RCOR1: variants seen among roughly 807,000 people sequenced by gnomAD.
The protein encoded by RCOR1 is REST corepressor 1, also known as REST corepressor.
In RCOR1, 12 loss-of-function variants were observed where a neutral mutation model predicts 64.0. The ratio of observed to expected loss-of-function variants is 0.19; its 90% CI spans 0.12 to 0.30. The LOEUF is 0.30. RCOR1 is among the 10% of genes least tolerant of loss of function. The probability of loss-of-function intolerance (pLI) is 1.00; values close to 1 mark genes in which losing one functional copy is unlikely to be tolerated. For missense variants in RCOR1, 502 were observed against 621.2 expected (o/e 0.81, Z 2.04); for synonymous variants, 279 against 227.2 (o/e 1.23, Z -2.05).
At chr14:102,674,346 G>C (rs561739345) in intron 2 of RCOR1, among the ~76,000 whole-genome samples, 2 of 152,302 alleles carry the variant, frequency 1.3e-5, no homozygotes, top group Non-Finnish European at 2.9e-5. Flanking sequence ...AGTTGACACA[G>C]AAAACTAAGC....
rs898964646 is a variant in RCOR1, at chr14:102,729,137, A to G, written c.*2631A>G. On this transcript the variant is annotated 3_prime_UTR_variant, in exon 12 of 12. Transcript: ENST00000262241. ...TTTTGTGGAAAATTTTCTCCTAAGT[A>G]TAAGTTATTGTGCAAAATATAGTGT... is the stretch of plus-strand genomic sequence containing the variant. 6.6e-6 allele frequency: 1 copy of G among 152,652 alleles called. No homozygotes were observed. The highest frequency in any genetic ancestry group is 1.5e-5 in the Non-Finnish European group (1 of 68,046). The allele number at this position is 152,652 out of a possible 1,614,324, so 9.5% of individuals were successfully genotyped here. A position where few individuals can be genotyped will look rare whatever the true frequency, so the allele number is the denominator to read the frequency against.
At chr14:102,618,262 C>G (rs140725861) in intron 2 of RCOR1, among the ~76,000 whole-genome samples, 3 of 152,128 alleles carry the variant, frequency 2.0e-5, no homozygotes, top group African/African-American at 7.2e-5. Context: ...CAGTCGTGAG[C>G]CACTGTGCCT....
intron 2 of RCOR1, chr14:102,657,009 A>T: frequency 3.8e-6 from 3 of 788,382 alleles, no homozygotes; most frequent in Non-Finnish European, 4.6e-6. Flanking sequence ...TCCTGACCTC[A>T]TGTGATCCAC....
chr14:102,664,855 G>A (rs1894886328), intron 2 of RCOR1, among the ~76,000 whole-genome samples: 1 of 152,184 alleles, frequency 6.6e-6, no homozygotes, highest in Non-Finnish European at 1.5e-5. Flanking sequence ...GAAGTATTAA[G>A]TACAGGCAGT....
intron 2 of RCOR1, among the ~76,000 whole-genome samples, chr14:102,597,819 T>TG (rs1893294347): frequency 6.8e-6 from 1 of 146,488 alleles, no homozygotes; most frequent in Non-Finnish European, 1.5e-5. Context: ...TTTTTGCAAT[T>TG]TTTTTTTTTT....
chr14:102,611,225 C>G (rs1484398550), intron 2 of RCOR1, among the ~76,000 whole-genome samples: 1 of 152,124 alleles, frequency 6.6e-6, no homozygotes, highest in Non-Finnish European at 1.5e-5. Flanking sequence ...GTGCTCACCA[C>G]CACGCCTGGC....
At chr14:102,701,477 T>A in intron 4 of RCOR1, 147 bp downstream of exon 4, 2 of 554,782 alleles carry the variant, frequency 3.6e-6, no homozygotes, top group Non-Finnish European at 6.2e-6. Flanking sequence ...CAAACTCTGG[T>A]CTTCTTTTTC....
At chr14:102,627,310 ATC>A (rs1406526359) in intron 2 of RCOR1, among the ~76,000 whole-genome samples, 5 of 152,274 alleles carry the variant, frequency 3.3e-5, no homozygotes, top group African/African-American at 1.2e-4. Flanking sequence ...CAAATTTTTC[ATC>A]TCTGTTGTAT....
At chr14:102,648,436 G>A (rs1439800283) in intron 2 of RCOR1, among the ~76,000 whole-genome samples, 2 of 152,096 alleles carry the variant, frequency 1.3e-5, no homozygotes, top group African/African-American at 4.8e-5. Context: ...AATTTATCTT[G>A]TATGTTCTCT....
chr14:102,635,123 T>C (rs1894209860), intron 2 of RCOR1, among the ~76,000 whole-genome samples: 1 of 152,128 alleles, frequency 6.6e-6, no homozygotes, highest in Non-Finnish European at 1.5e-5. Flanking sequence ...CATGAGCCAT[T>C]GCACCCAGTC....
At chr14:102,616,810 AG>A (rs1474442495) in intron 2 of RCOR1, among the ~76,000 whole-genome samples, 2 of 152,260 alleles carry the variant, frequency 1.3e-5, no homozygotes, top group South Asian at 2.1e-4. Flanking sequence ...GTTTTTATGA[AG>A]GCCTCATTAC....
chr14:102,665,311 C>CTTTTTT (rs35214723), intron 2 of RCOR1, among the ~76,000 whole-genome samples: 1 of 132,008 alleles, frequency 7.6e-6, no homozygotes, highest in Non-Finnish European at 1.6e-5. Context: ...GGCCTCAACA[C>CTTTTTT]TTTTTTTTTT....
intron 2 of RCOR1, among the ~76,000 whole-genome samples, chr14:102,594,862 C>T (rs1038190481): frequency 6.6e-6 from 1 of 152,152 alleles, no homozygotes; most frequent in African/African-American, 2.4e-5. Context: ...GAACATAAAG[C>T]TTGTTACCAA....
At position 102,629,198 on chromosome 14, in the gene RCOR1, A is replaced by C. The variant is rs977570900; in HGVS notation, c.361+35873A>C. On this transcript the variant is annotated intron_variant, in intron 2 of 11. Transcript: ENST00000262241. ...CCCCATCCACATAGCCCATGGCCTT[A>C]TTCTTGCCACGTGTACTGAAATGTG... Among the ~76,000 whole-genome samples, 21 of 152,158 alleles carry C rather than the reference A, an allele frequency of 1.4e-4. No individual in the cohort carries two copies. The East Asian group carries it at 2.5e-3, about 18-fold the overall frequency.
intron 2 of RCOR1, among the ~76,000 whole-genome samples, chr14:102,599,223 A>C (rs1595188186): frequency 1.3e-5 from 2 of 151,866 alleles, no homozygotes. Flanking sequence ...TCCTGGGCGC[A>C]CACTATCCTC....
intron 2 of RCOR1, among the ~76,000 whole-genome samples, chr14:102,635,008 T>G (rs907429104): frequency 6.6e-6 from 1 of 151,624 alleles, no homozygotes; most frequent in Non-Finnish European, 1.5e-5. Context: ...ATGCCTGGCC[T>G]TTTTTTAAAG....
At position 102,632,680 on chromosome 14, in the gene RCOR1, TTTTCCTTTTCCTTTTCC is replaced by T. The variant is rs1894145738; in HGVS notation, c.361+39364_361+39380del. ...TTTCCTTTCCTTTCCTTTCCTTTCCTTTTCCTTTTCCTTTTCCTTTCCTTTCCTTTTCCTTTCCTTTC... is the reference window on the plus strand; with the variant it reads ...TTTCCTTTCCTTTCCTTTCCTTTCCTTTTCCTTTCCTTTTCCTTTCCTTTC... On this transcript the variant is annotated intron_variant, in intron 2 of 11. Coordinates refer to ENST00000262241, the MANE Select transcript of RCOR1 (RefSeq NM_015156.4). 1.9e-3 allele frequency among the ~76,000 whole-genome samples: 157 copies of T among 83,276 alleles called. 4 individuals carry two copies. Among genetic ancestry groups the T allele is most frequent in the African/African-American group, 7.2e-3 (150 of 20,736 alleles). 54.6% of individuals were successfully genotyped at this position (83,276 alleles called of 152,430 possible).
chr14:102,667,983 C>T (rs1894949945), intron 2 of RCOR1, among the ~76,000 whole-genome samples: 1 of 151,956 alleles, frequency 6.6e-6, no homozygotes, highest in South Asian at 2.1e-4. Flanking sequence ...GAAGTCATTA[C>T]CATAATAAAT....
At chr14:102,608,615 A>G (rs146157477) in intron 2 of RCOR1, among the ~76,000 whole-genome samples, 429 of 151,412 alleles carry the variant, frequency 2.8e-3, no homozygotes, top group African/African-American at 9.8e-3. Flanking sequence ...TTGTATTTTT[A>G]GTAGAAATGG....
Sources: gnomAD v4.1 joint callset for allele counts (sites outside exome capture counted in the v4.1 genomes callset) on GRCh38, gnomAD v4.1.1 for gene constraint, MANE v1.5 for transcripts, NCBI Gene and HGNC (gene_info 2026-07-23, HGNC 2026-07-21) for gene names.